The following NAV2 variants were observed in gnomAD, a reference collection of about 807,000 sequenced individuals.
NAV2 encodes neuron navigator 2.
Under a neutral mutation model 223.2 loss-of-function variants are expected in NAV2, and 54 were observed. The ratio of observed to expected loss-of-function variants is 0.24; its 90% CI spans 0.19 to 0.30. The LOEUF (loss-of-function observed/expected upper bound fraction) is 0.30, where lower values mean the gene tolerates loss of function less well. NAV2 is among the 10% of genes least tolerant of loss of function. The pLI is 1.00. For missense variants in NAV2, 2,806 were observed against 3,147.5 expected, an observed-to-expected ratio of 0.89 and a Z score of 2.60; for synonymous variants, 1,279 against 1,239.3, an observed-to-expected ratio of 1.03 and a Z score of -0.67.
At chr11:19,416,566 G>A (rs150149923) in intron 1 of NAV2, among the ~76,000 whole-genome samples, 1 of 152,114 alleles carries the variant, frequency 6.6e-6, no homozygotes, top group East Asian at 1.9e-4. Context: ...AGCTACCATT[G>A]ACTTTCTTCA....
chr11:19,650,307 G>A (rs1047913311), intron 1 of NAV2, among the ~76,000 whole-genome samples: 51 of 152,314 alleles, frequency 3.3e-4, no homozygotes, highest in African/African-American at 1.2e-3. Flanking sequence ...TGGAGACAGA[G>A]GCAGGTATGG....
intron 37 of NAV2, among the ~76,000 whole-genome samples, chr11:20,116,270 T>A (rs564107319): frequency 5.9e-5 from 9 of 152,292 alleles, no homozygotes; most frequent in East Asian, 1.9e-4. Flanking sequence ...ATTAAAAAAA[T>A]AATAATAATA....
At chr11:19,400,512 G>A (rs1033339566) in intron 1 of NAV2, among the ~76,000 whole-genome samples, 5 of 152,196 alleles carry the variant, frequency 3.3e-5, no homozygotes, top group Non-Finnish European at 7.3e-5. Flanking sequence ...ACTGAAGCCA[G>A]GTGGACTGAG....
At chr11:20,032,102 A>C (rs2055821586) in intron 11 of NAV2, among the ~76,000 whole-genome samples, 1 of 152,238 alleles carries the variant, frequency 6.6e-6, no homozygotes, top group African/African-American at 2.4e-5. Context: ...CCAGAGACCC[A>C]GAAGCAAAGG....
intron 11 of NAV2, among the ~76,000 whole-genome samples, chr11:19,992,923 T>C (rs2051483665): frequency 6.6e-6 from 1 of 152,202 alleles, no homozygotes; most frequent in South Asian, 2.1e-4. Flanking sequence ...TGGTAACTGT[T>C]CAACAGTTGT....
intron 4 of NAV2, among the ~76,000 whole-genome samples, chr11:19,874,364 C>T (rs1447874914): frequency 1.3e-5 from 2 of 152,174 alleles, no homozygotes; most frequent in Admixed American, 6.5e-5. Flanking sequence ...GAACAGGGCT[C>T]CAGGTTGGGT....
At chr11:19,424,965 T>G (rs1053939403) in intron 1 of NAV2, among the ~76,000 whole-genome samples, 6 of 152,230 alleles carry the variant, frequency 3.9e-5, no homozygotes, top group Admixed American at 3.9e-4. Flanking sequence ...GTTGATATTA[T>G]GGGAATTCAT....
chr11:19,625,332 C>A (rs1282535262), intron 1 of NAV2, among the ~76,000 whole-genome samples: 2 of 152,138 alleles, frequency 1.3e-5, no homozygotes, highest in Non-Finnish European at 2.9e-5. Context: ...TAGCTTGTTT[C>A]ACTTGACATA....
At position 19,813,175 on chromosome 11, in the gene NAV2, T is replaced by C. The variant is rs149243801; in HGVS notation, c.268-19309T>C. Reference sequence around the variant, plus strand: ...AGAAATGTAAGGGCAGGCACTGTTGTTTTTTCTTTTCAACAGAGTCAAGCA... The same window carrying C: ...AGAAATGTAAGGGCAGGCACTGTTGCTTTTTCTTTTCAACAGAGTCAAGCA... On this transcript the variant is annotated intron_variant, in intron 1 of 37. Coordinates refer to ENST00000349880, the MANE Select transcript of NAV2 (RefSeq NM_145117.5). Among the ~76,000 whole-genome samples the C allele has an allele frequency of 6.0e-4, 91 of 152,228 alleles. 2 individuals are homozygous for C. In the East Asian group the frequency reaches 8.9e-3, roughly 15 times the overall value.
chr11:19,764,153 T>A (rs184102064), intron 1 of NAV2, among the ~76,000 whole-genome samples: 1,592 of 152,258 alleles, frequency 0.01, 27 homozygotes, highest in Middle Eastern at 0.014. Context: ...GACCTCTAGG[T>A]CTTAGAGGAA....
intron 4 of NAV2, among the ~76,000 whole-genome samples, chr11:19,878,339 T>C (rs1177849217): frequency 1.3e-5 from 2 of 152,194 alleles, no homozygotes; most frequent in African/African-American, 2.4e-5. Context: ...ATAACCAAGA[T>C]GAATGAAGGA....
intron 11 of NAV2, chr11:20,022,542 T>C (rs1161318023): frequency 1.0e-6 from 1 of 985,410 alleles, no homozygotes; most frequent in Non-Finnish European, 1.2e-6. Context: ...GTTCAGAAAT[T>C]CTCTCTGTAG....
At chr11:20,066,990 C>T (rs1276233952) in intron 20 of NAV2, among the ~76,000 whole-genome samples, 1 of 152,144 alleles carries the variant, frequency 6.6e-6, no homozygotes, top group East Asian at 1.9e-4. Flanking sequence ...CTGCAGCAGG[C>T]TCCCCAATTC....
At chr11:19,510,058 T>C (rs954022800) in intron 1 of NAV2, among the ~76,000 whole-genome samples, 1 of 152,194 alleles carries the variant, frequency 6.6e-6, no homozygotes, top group African/African-American at 2.4e-5. Flanking sequence ...AACTAGAAGC[T>C]ATTATGCAAG....
At chr11:19,626,068 G>T (rs2047161090) in intron 1 of NAV2, among the ~76,000 whole-genome samples, 1 of 151,954 alleles carries the variant, frequency 6.6e-6, no homozygotes, top group South Asian at 2.1e-4. Flanking sequence ...TTTTGCTTTG[G>T]TTGCCTGTGC....
At chr11:19,453,246 T>C (rs2046576) in intron 1 of NAV2, among the ~76,000 whole-genome samples, 134,698 of 152,194 alleles carry the variant, frequency 0.89, 60,097 homozygotes, top group East Asian at 1. Context: ...TGGCTCATCA[T>C]AGGTGTTCAA....
At chr11:19,708,494 A>C (rs1426722015), upstream of NAV2, among the ~76,000 whole-genome samples, 1 of 152,156 alleles carries the variant, frequency 6.6e-6, no homozygotes, top group African/African-American at 2.4e-5. Context: ...GCTGGGCCTT[A>C]GATGTTCCAG....
intron 1 of NAV2, among the ~76,000 whole-genome samples, chr11:19,612,466 A>G (rs2046672180): frequency 1.3e-5 from 2 of 152,352 alleles, no homozygotes; most frequent in East Asian, 1.9e-4. Flanking sequence ...ATAAAAAGGA[A>G]TGCCTTTAAC....
At chr11:19,546,083 G>A (rs560335526) in intron 1 of NAV2, among the ~76,000 whole-genome samples, 3 of 152,254 alleles carry the variant, frequency 2.0e-5, no homozygotes, top group South Asian at 4.2e-4. Context: ...ATTTCATGGA[G>A]CTCAATTTTA....
Sources: gnomAD v4.1 joint callset for allele counts (sites outside exome capture counted in the v4.1 genomes callset) on GRCh38, gnomAD v4.1.1 for gene constraint, MANE v1.5 for transcripts, NCBI Gene and HGNC (gene_info 2026-07-23, HGNC 2026-07-21) for gene names.